Variants in CD9 observed in about 807,000 individuals in gnomAD.
CD9 encodes CD9 molecule.
In CD9, 10 loss-of-function variants were observed where a neutral mutation model predicts 31.4. The ratio of observed to expected loss-of-function variants is 0.32; its 90% CI spans 0.20 to 0.54. The LOEUF is 0.54. CD9 is among the 20% of genes least tolerant of loss of function. The pLI is 0.94. For synonymous variants in CD9, 113 were observed against 114.1 expected, an observed-to-expected ratio of 0.99 and a Z score of 0.06; for missense variants, 259 against 300.1, an observed-to-expected ratio of 0.86 and a Z score of 1.01.
chr12:6,208,482 A>G (rs1335624800), intron 1 of CD9, among the ~76,000 whole-genome samples: 2 of 152,222 alleles, frequency 1.3e-5, no homozygotes, highest in East Asian at 1.9e-4. Flanking sequence ...TAAAAATACC[A>G]TAAAGTTAAT....
intron 1 of CD9, among the ~76,000 whole-genome samples, chr12:6,221,357 C>T (rs559646200): frequency 7.1e-4 from 108 of 152,298 alleles, no homozygotes; most frequent in African/African-American, 2.4e-3. Context: ...CATCCCCGCC[C>T]GACCAGCTGG....
At chr12:6,204,095 C>T (rs10849418) in intron 1 of CD9, among the ~76,000 whole-genome samples, 44,392 of 152,018 alleles carry the variant, frequency 0.29, 7,967 homozygotes, top group Middle Eastern at 0.43. Context: ...CAGCTCTGTC[C>T]TCAACTCACT....
At chr12:6,218,542 A>G (rs1451955703) in intron 1 of CD9, among the ~76,000 whole-genome samples, 1 of 152,184 alleles carries the variant, frequency 6.6e-6, no homozygotes, top group Admixed American at 6.5e-5. Context: ...CCCAGGTTCT[A>G]ACTGGAACTG....
intron 2 of CD9, among the ~76,000 whole-genome samples, chr12:6,227,377 T>C (rs59108451): frequency 0.011 from 1,746 of 152,094 alleles, 23 homozygotes; most frequent in African/African-American, 0.039. Context: ...TTTGTATTTT[T>C]AGTACAGACG....
chr12:6,228,720 G>T (rs1445426608), intron 2 of CD9, among the ~76,000 whole-genome samples: 1 of 152,240 alleles, frequency 6.6e-6, no homozygotes, highest in African/African-American at 2.4e-5. Context: ...CCACGAGGCT[G>T]TGAGACCAGC....
At chr12:6,224,431 C>G (rs1946335647) in intron 1 of CD9, among the ~76,000 whole-genome samples, 2 of 152,118 alleles carry the variant, frequency 1.3e-5, no homozygotes, top group South Asian at 4.1e-4. Context: ...GCCACATCTG[C>G]TGTCCACCCA....
chr12:6,224,014 G>A lies in CD9; in HGVS notation c.67-1412G>A, dbSNP rs567091297. 3.3e-5 allele frequency among the ~76,000 whole-genome samples: 5 copies of A among 152,226 alleles called. No individual in the cohort carries two copies. In the East Asian group the frequency reaches 5.8e-4, roughly 18 times the overall value. On this transcript the variant is annotated intron_variant, in intron 1 of 7. Coordinates refer to ENST00000009180, the MANE Select transcript of CD9 (RefSeq NM_001769.4). ...GTCCAGCCGCGGGGCATGTGGCGTC[G>A]TACAGTCCTTACCAATGTTTGGAGC... is the stretch of plus-strand genomic sequence containing the variant.
At chr12:6,226,470 C>G (rs1257012688) in intron 2 of CD9, 1 of 152,150 alleles carries the variant, frequency 6.6e-6, no homozygotes, top group African/African-American at 2.4e-5. Context: ...TCCCACCCAC[C>G]AAAAAAGTTA....
chr12:6,220,563 T>C (rs1946283104), intron 1 of CD9, among the ~76,000 whole-genome samples: 1 of 152,112 alleles, frequency 6.6e-6, no homozygotes, highest in South Asian at 2.1e-4. Flanking sequence ...CTGTTTGGAT[T>C]TTTAGGTTAG....
Position 6,222,920 on chromosome 12 carries a change from G to T in CD9, c.67-2506G>T, listed in dbSNP as rs1946310660. Among the ~76,000 whole-genome samples the T allele has an allele frequency of 2.0e-5, 3 of 152,164 alleles. No homozygotes were observed. In the South Asian group the frequency reaches 6.2e-4, roughly 31 times the overall value. On this transcript the variant is annotated intron_variant, in intron 1 of 7. Transcript: ENST00000009180. Reference sequence around the variant, plus strand: ...TCTTTTCTGCGACTCAGTTTTCCCAGCAGATAAGGGGTGGGGTCATAACTT... The same window carrying T: ...TCTTTTCTGCGACTCAGTTTTCCCATCAGATAAGGGGTGGGGTCATAACTT...
intron 2 of CD9, among the ~76,000 whole-genome samples, chr12:6,226,751 A>G (rs747299997): frequency 6.6e-6 from 1 of 152,254 alleles, no homozygotes; most frequent in Non-Finnish European, 1.5e-5. Flanking sequence ...AAAAAAAACT[A>G]CACATACACA....
At chr12:6,207,453 C>G (rs368169272) in intron 1 of CD9, among the ~76,000 whole-genome samples, 1 of 152,212 alleles carries the variant, frequency 6.6e-6, no homozygotes, top group Admixed American at 6.5e-5. Context: ...GGTTTTCACT[C>G]GGTTAATTTA....
At chr12:6,236,107 C>T (rs1198821217) in intron 6 of CD9, 85 bp from the exon 7 acceptor site, 32 of 1,575,680 alleles carry the variant, frequency 2.0e-5, no homozygotes, top group South Asian at 3.5e-5. Context: ...CCAGTTCTCC[C>T]GGGTGAGACG....
At chr12:6,209,758 C>T (rs960497809) in intron 1 of CD9, among the ~76,000 whole-genome samples, 2 of 149,580 alleles carry the variant, frequency 1.3e-5, no homozygotes, top group African/African-American at 2.5e-5. Flanking sequence ...AATCTCGGCT[C>T]ACTGCAACCT....
intron 1 of CD9, among the ~76,000 whole-genome samples, chr12:6,210,667 G>A (rs909027310): frequency 2.0e-5 from 3 of 152,094 alleles, no homozygotes; most frequent in African/African-American, 4.8e-5. Flanking sequence ...ATATGAATGG[G>A]GGGGAAACAG....
At chr12:6,203,620 C>T (rs996869675) in intron 1 of CD9, among the ~76,000 whole-genome samples, 9 of 152,174 alleles carry the variant, frequency 5.9e-5, no homozygotes, top group Admixed American at 5.2e-4. Flanking sequence ...GTCTGTTCTT[C>T]CACCACCTCC....
At chr12:6,213,123 T>C (rs1388248770) in intron 1 of CD9, among the ~76,000 whole-genome samples, 2 of 152,244 alleles carry the variant, frequency 1.3e-5, no homozygotes, top group East Asian at 1.9e-4. Flanking sequence ...AAAGCTATTA[T>C]ATGGGCCTGG....
At chr12:6,201,956 T>A (rs1379022770) in intron 1 of CD9, among the ~76,000 whole-genome samples, 3 of 152,210 alleles carry the variant, frequency 2.0e-5, no homozygotes, top group Non-Finnish European at 2.9e-5. Flanking sequence ...GAGGATGGCA[T>A]GAGCCTGGGA....
rs114227088 is a variant in CD9, at chr12:6,236,248, A to C, written c.594A>C (p.Ala198=). The C allele has an allele frequency of 3.1e-3, 4,986 of 1,614,190 alleles. 27 individuals carry two copies. Among genetic ancestry groups the C allele is most frequent in the Non-Finnish European group, 2.8e-3 (3,301 of 1,180,032 alleles). The change falls in exon 7 of 8, where the codon GCA becomes GCC. Residue 198 remains alanine, a synonymous_variant. Transcript: ENST00000009180. ...VFDNKFHIIG[A]VGIGIAVVMI... ...ACAATAAATTCCACATCATCGGCGC[A>C]GTGGGCATCGGCATTGCCGTGGTCA...
Sources: allele counts gnomAD v4.1 joint callset (sites outside exome capture counted in the v4.1 genomes callset), GRCh38; gene constraint gnomAD v4.1.1; transcripts MANE v1.5; gene names NCBI Gene and HGNC (gene_info 2026-07-23, HGNC 2026-07-21).